The following MARCHF3 variants were observed in gnomAD, a reference collection of about 807,000 sequenced individuals.
MARCHF3 encodes the protein membrane associated ring-CH-type finger 3.
A neutral mutation model predicts 24.2 loss-of-function variants in MARCHF3; 13 were observed. The observed-to-expected ratio is 0.54, with a 90% confidence interval of 0.35 to 0.85. The LOEUF (loss-of-function observed/expected upper bound fraction) is 0.85. MARCHF3 is among the 40% of genes least tolerant of loss of function. The pLI is 0.01. For missense variants in MARCHF3, 276 were observed against 325.0 expected (o/e 0.85, Z 1.16); for synonymous variants, 144 against 137.3 (o/e 1.05, Z -0.34).
chr5:126,969,631 T>C (rs56186448), intron 1 of MARCHF3, among the ~76,000 whole-genome samples: 372 of 152,316 alleles, frequency 2.4e-3, no homozygotes, highest in Non-Finnish European at 4.3e-3. Flanking sequence ...CTTCTTTCAT[T>C]TGCAGACATA....
At chr5:127,008,865 G>A (rs1427900611) in intron 1 of MARCHF3, among the ~76,000 whole-genome samples, 1 of 148,652 alleles carries the variant, frequency 6.7e-6, no homozygotes, top group East Asian at 2.0e-4. Context: ...TTCAGGAGAC[G>A]TTATCTCTTT....
At chr5:126,883,394 G>C (rs1003076817) in intron 3 of MARCHF3, among the ~76,000 whole-genome samples, 9 of 152,210 alleles carry the variant, frequency 5.9e-5, no homozygotes, top group Non-Finnish European at 7.3e-5. Flanking sequence ...AGCCCCAGCA[G>C]TGAGCTGCCT....
intron 1 of MARCHF3, among the ~76,000 whole-genome samples, chr5:126,961,458 A>G (rs745963908): frequency 6.6e-6 from 1 of 152,170 alleles, no homozygotes; most frequent in Non-Finnish European, 1.5e-5. Context: ...AAAGGGCAGG[A>G]ATAAATGCCA....
At chr5:127,009,186 A>G (rs774734303) in intron 1 of MARCHF3, among the ~76,000 whole-genome samples, 1 of 152,206 alleles carries the variant, frequency 6.6e-6, no homozygotes, top group Non-Finnish European at 1.5e-5. Flanking sequence ...TCAGGGGTTA[A>G]GCATTCTCGT....
chr5:126,911,124 A>G (rs1754512813), intron 3 of MARCHF3, among the ~76,000 whole-genome samples: 1 of 152,198 alleles, frequency 6.6e-6, no homozygotes, highest in African/African-American at 2.4e-5. Context: ...TCCTGATAAG[A>G]TGTTATCAAT....
chr5:126,981,222 A>G (rs1245071031), intron 1 of MARCHF3, among the ~76,000 whole-genome samples: 2 of 152,224 alleles, frequency 1.3e-5, no homozygotes, highest in Non-Finnish European at 2.9e-5. Flanking sequence ...CTGGATAGTC[A>G]CTGTCCAGTG....
At position 126,892,706 on chromosome 5, in the gene MARCHF3, A is replaced by G. The variant is rs369847096; in HGVS notation, c.394-14312T>C. On this transcript the variant is annotated intron_variant, in intron 3 of 4. Transcript: ENST00000308660. ...TTCGTTTTGCCAGTATTTTATTGAG[A>G]ATTTTTGCATCAATGTTCATCAAGG... Among the ~76,000 whole-genome samples the G allele has an allele frequency of 8.7e-5, 13 of 149,666 alleles. 1 individual carries two copies. The highest frequency in any genetic ancestry group is 1.3e-4 in the African/African-American group (5 of 39,392).
At position 126,914,582 on chromosome 5, in the gene MARCHF3, C is replaced by T. The variant is rs551451843; in HGVS notation, c.393+348G>A. 3.7e-5 allele frequency: 14 copies of T among 374,908 alleles called. No individual in the cohort carries two copies. In the East Asian group the frequency reaches 4.0e-4, roughly 11 times the overall value. 23.2% of individuals were successfully genotyped at this position (374,908 alleles called of 1,614,324 possible). ...CCTGCTTCAAGTTGGGCAGATGGTG[C>T]GCAAGGAGAAAGATGTTTGATCTGT... On this transcript the variant is annotated intron_variant, in intron 3 of 4. Transcript: ENST00000308660.
At chr5:127,000,147 C>A (rs958401556) in intron 1 of MARCHF3, among the ~76,000 whole-genome samples, 5 of 151,876 alleles carry the variant, frequency 3.3e-5, no homozygotes, top group African/African-American at 1.2e-4. Flanking sequence ...ATTTAACCAA[C>A]CTTCGTTTGC....
At chr5:127,022,822 T>A (rs1752851863) in intron 1 of MARCHF3, among the ~76,000 whole-genome samples, 2 of 152,284 alleles carry the variant, frequency 1.3e-5, no homozygotes, top group Admixed American at 1.3e-4. Flanking sequence ...ACCATTCAAT[T>A]CTCTATTTTC....
chr5:127,004,877 C>T (rs1446972142), intron 1 of MARCHF3, among the ~76,000 whole-genome samples: 1 of 152,080 alleles, frequency 6.6e-6, no homozygotes, highest in Non-Finnish European at 1.5e-5. Flanking sequence ...CAATTCACTA[C>T]ACGAGTTGCC....
intron 2 of MARCHF3, among the ~76,000 whole-genome samples, chr5:126,916,770 G>A (rs1460675034): frequency 1.3e-5 from 2 of 148,846 alleles, no homozygotes; most frequent in Admixed American, 6.7e-5. Flanking sequence ...ACCATAGCCT[G>A]CTCTTCCTGG....
At chr5:126,875,620 T>C in intron 4 of MARCHF3, among the ~76,000 whole-genome samples, 1 of 152,214 alleles carries the variant, frequency 6.6e-6, no homozygotes, top group East Asian at 1.9e-4. Context: ...ACGGAGTTAT[T>C]CTATATTCAG....
chr5:126,881,428 T>A (rs1753338334), intron 3 of MARCHF3, among the ~76,000 whole-genome samples: 4 of 152,128 alleles, frequency 2.6e-5, no homozygotes, highest in Admixed American at 2.6e-4. Flanking sequence ...CTACTAAGTA[T>A]CCAGATATAT....
intron 1 of MARCHF3, among the ~76,000 whole-genome samples, chr5:126,950,652 G>GTAA (rs1228429752): frequency 1.3e-5 from 2 of 152,006 alleles, no homozygotes; most frequent in Non-Finnish European, 2.9e-5. Context: ...ATTAACTCTG[G>GTAA]TAACTCTGCC....
intron 1 of MARCHF3, among the ~76,000 whole-genome samples, chr5:126,961,855 G>C (rs1750648279): frequency 6.6e-6 from 1 of 152,128 alleles, no homozygotes; most frequent in Admixed American, 6.6e-5. Flanking sequence ...GGTGGAGCTT[G>C]TTTACATCCT....
At chr5:127,006,202 A>G (rs1752308712) in intron 1 of MARCHF3, among the ~76,000 whole-genome samples, 1 of 144,836 alleles carries the variant, frequency 6.9e-6, no homozygotes, top group Admixed American at 6.9e-5. Flanking sequence ...GGCTCTGTCA[A>G]AAAAAAAAAA....
chr5:126,888,847 C>T (rs1439472675), intron 3 of MARCHF3, among the ~76,000 whole-genome samples: 4 of 152,186 alleles, frequency 2.6e-5, no homozygotes, highest in Non-Finnish European at 5.9e-5. Flanking sequence ...TCACTGCAAC[C>T]TCCACCTCCC....
intron 1 of MARCHF3, among the ~76,000 whole-genome samples, chr5:126,945,045 G>A (rs561499954): frequency 6.6e-6 from 1 of 152,062 alleles, no homozygotes; most frequent in Admixed American, 6.5e-5. Context: ...TATTTGCTGA[G>A]GAGATACACA....
Sources: gnomAD v4.1 joint callset for allele counts (sites outside exome capture counted in the v4.1 genomes callset) on GRCh38, gnomAD v4.1.1 for gene constraint, MANE v1.5 for transcripts, NCBI Gene and HGNC (gene_info 2026-07-23, HGNC 2026-07-21) for gene names.